The following GPHN variants were observed in gnomAD, a reference collection of about 807,000 sequenced individuals.
The protein encoded by GPHN is gephyrin.
GPHN carries 17 observed loss-of-function variants against 95.5 expected under a neutral mutation model. The ratio of observed to expected loss-of-function variants is 0.18; its 90% confidence interval spans 0.12 to 0.27. The LOEUF is 0.27. Ranked by LOEUF, GPHN falls within the 10% of genes least tolerant of loss-of-function variation. The pLI is 1.00. For synonymous variants in GPHN, 320 were observed against 322.5 expected, an observed-to-expected ratio of 0.99 and a Z score of 0.08; for missense variants, 660 against 978.1, an observed-to-expected ratio of 0.67 and a Z score of 4.34.
At chr14:66,778,254 A>T (rs2059460114) in intron 3 of GPHN, among the ~76,000 whole-genome samples, 1 of 152,192 alleles carries the variant, frequency 6.6e-6, no homozygotes, top group Admixed American at 6.5e-5. Flanking sequence ...ATACCTAGGA[A>T]TCCAACTTAC....
At chr14:66,717,795 CCG>C (rs1326492680) in intron 2 of GPHN, among the ~76,000 whole-genome samples, 1 of 152,190 alleles carries the variant, frequency 6.6e-6, no homozygotes, top group Admixed American at 6.5e-5. Context: ...TAGCCATCTA[CCG>C]CGCCTACCCG....
chr14:66,559,590 GTTTTT>G (rs1229780860), intron 1 of GPHN, among the ~76,000 whole-genome samples: 1 of 151,750 alleles, frequency 6.6e-6, no homozygotes, highest in Non-Finnish European at 1.5e-5. Context: ...GTGGTTGTTT[GTTTTT>G]TTCTTGTAAA....
chr14:66,587,052 A>G (rs549682674), intron 1 of GPHN, among the ~76,000 whole-genome samples: 3 of 152,254 alleles, frequency 2.0e-5, no homozygotes, highest in Admixed American at 6.5e-5. Flanking sequence ...ATGAAAGAGT[A>G]GGCAATACAG....
chr14:67,624,886 C>T, the GPHN span, among the ~76,000 whole-genome samples: 21 of 152,192 alleles, frequency 1.4e-4, no homozygotes, highest in African/African-American at 5.1e-4. Flanking sequence ...TTTTAACTTG[C>T]CCTGTTCCCA....
the GPHN span, among the ~76,000 whole-genome samples, chr14:67,661,277 G>C: frequency 5.5e-5 from 1 of 18,342 alleles, no homozygotes; most frequent in Non-Finnish European, 1.5e-4. Flanking sequence ...TAGGGCTAGA[G>C]CAAAAAAAAA....
chr14:66,672,636 C>A (rs74590083), intron 1 of GPHN, among the ~76,000 whole-genome samples: 1 of 152,110 alleles, frequency 6.6e-6, no homozygotes, highest in East Asian at 1.9e-4. Context: ...TTGGAAAATT[C>A]ATCCCTTTAT....
At chr14:67,281,118 T>C in the GPHN span, among the ~76,000 whole-genome samples, 15 of 151,860 alleles carry the variant, frequency 9.9e-5, no homozygotes, top group Non-Finnish European at 5.9e-5. Flanking sequence ...AGGCTGGTCT[T>C]CAACTCCTGA....
chr14:67,460,470 C>T, the GPHN span, among the ~76,000 whole-genome samples: 2 of 152,072 alleles, frequency 1.3e-5, no homozygotes, highest in Admixed American at 6.6e-5. Context: ...TTTGGGAGAC[C>T]GAGGCAGGTG....
chr14:67,164,220 A>T (rs924987686), intron 19 of GPHN, among the ~76,000 whole-genome samples: 1 of 141,424 alleles, frequency 7.1e-6, no homozygotes, highest in Admixed American at 7.6e-5. Flanking sequence ...GTGAGCTGAG[A>T]TCACACCCTT....
At chr14:67,279,628 A>G in the GPHN span, 3 of 1,245,198 alleles carry the variant, frequency 2.4e-6, no homozygotes, top group African/African-American at 4.5e-5. Context: ...GTTTAAGAGA[A>G]TGTAAGTAAT....
At chr14:66,635,520 AGTTTATATACCATT>A (rs1309124503) in intron 1 of GPHN, among the ~76,000 whole-genome samples, 5 of 152,138 alleles carry the variant, frequency 3.3e-5, no homozygotes, top group Admixed American at 6.5e-5. Context: ...TTAAGTGATG[AGTTTATATACCATT>A]GTTTAACTGG....
At chr14:66,921,178 T>G (rs944044933) in intron 6 of GPHN, among the ~76,000 whole-genome samples, 2 of 152,224 alleles carry the variant, frequency 1.3e-5, no homozygotes, top group African/African-American at 4.8e-5. Context: ...CTCCACAGTT[T>G]TCCTTAGTGG....
intron 12 of GPHN, among the ~76,000 whole-genome samples, chr14:67,099,159 G>A (rs2077555353): frequency 6.6e-6 from 1 of 150,762 alleles, no homozygotes; most frequent in Middle Eastern, 3.4e-3. Context: ...GCCCAGGCTG[G>A]AGTGCAATGG....
the GPHN span, among the ~76,000 whole-genome samples, chr14:67,512,018 G>A: frequency 6.6e-6 from 1 of 152,230 alleles, no homozygotes; most frequent in Non-Finnish European, 1.5e-5. Flanking sequence ...TATACGTCTT[G>A]AACCAAACAC....
rs114234936 is a variant in GPHN at position 66,997,451 on chromosome 14, T to C, written c.964-26182T>C. 7.0e-3 allele frequency among the ~76,000 whole-genome samples: 1,060 copies of C among 152,128 alleles called. 4 individuals are homozygous for C. Among genetic ancestry groups the C allele is most frequent in the African/African-American group, 0.024 (1,012 of 41,504 alleles). Reference sequence around the variant, plus strand: ...TTTTTTACAACATAATTTCTACATGTATTTACTTTGTATAGGCCACTGTAG... The same window carrying C: ...TTTTTTACAACATAATTTCTACATGCATTTACTTTGTATAGGCCACTGTAG... On this transcript the variant is annotated intron_variant, in intron 9 of 22. Coordinates refer to ENST00000478722, the MANE Select transcript of GPHN (RefSeq NM_020806.5).
intron 5 of GPHN, among the ~76,000 whole-genome samples, chr14:66,887,451 G>C (rs1000275378): frequency 6.6e-6 from 1 of 152,132 alleles, no homozygotes; most frequent in Non-Finnish European, 1.5e-5. Flanking sequence ...GCTGGGCATG[G>C]TGCCACGTGC....
At chr14:66,900,023 A>C (rs190722615) in intron 5 of GPHN, among the ~76,000 whole-genome samples, 1 of 151,912 alleles carries the variant, frequency 6.6e-6, no homozygotes, top group Admixed American at 6.6e-5. Flanking sequence ...ATCTCATCTA[A>C]GTTGTCTAAT....
At chr14:66,734,538 C>T (rs2153435777) in intron 2 of GPHN, among the ~76,000 whole-genome samples, 1 of 152,172 alleles carries the variant, frequency 6.6e-6, no homozygotes, top group East Asian at 1.9e-4. Context: ...ATTGTATTAA[C>T]TTATTTTCTC....
chr14:67,502,627 C>T, the GPHN span, among the ~76,000 whole-genome samples: 1 of 151,718 alleles, frequency 6.6e-6, no homozygotes, highest in Non-Finnish European at 1.5e-5. Context: ...TAATTTTGTA[C>T]TTTTAGTAGA....
Sources: allele counts gnomAD v4.1 joint callset (sites outside exome capture counted in the v4.1 genomes callset), GRCh38; gene constraint gnomAD v4.1.1; transcripts MANE v1.5; gene names NCBI Gene and HGNC (gene_info 2026-07-23, HGNC 2026-07-21).